DROSHA: variants seen among roughly 807,000 people sequenced by gnomAD.
The protein encoded by DROSHA is drosha ribonuclease III.
In DROSHA, 56 loss-of-function variants were observed where a neutral mutation model predicts 181.9. The observed-to-expected ratio is 0.31, with a 90% CI of 0.25 to 0.38. DROSHA has a LOEUF of 0.38. Ranked by LOEUF, DROSHA falls within the 10% of genes least tolerant of loss-of-function variation. DROSHA has a pLI of 1.00. For synonymous variants in DROSHA, 524 were observed against 591.2 expected, an observed-to-expected ratio of 0.89 and a Z score of 1.65; for missense variants, 1,218 against 1,743.5, an observed-to-expected ratio of 0.70 and a Z score of 5.37.
rs781664651 is a variant in DROSHA, at chr5:31,532,034, C to G, written c.-294G>C. The G allele has an allele frequency of 3.0e-5, 9 of 303,924 alleles. No homozygotes were observed. Among genetic ancestry groups the G allele is most frequent in the Non-Finnish European group, 4.3e-5 (7 of 161,070 alleles). 18.8% of individuals were successfully genotyped at this position (303,924 alleles called of 1,614,324 possible). A position where few individuals can be genotyped will look rare whatever the true frequency, so the allele number is the denominator to read the frequency against. Reference sequence around the variant, plus strand: ...CGCGAGATCGCCGTCAGAGCAAAGCCAGGCTACTACCGCAGGTACCAAGAC... The same window carrying G: ...CGCGAGATCGCCGTCAGAGCAAAGCGAGGCTACTACCGCAGGTACCAAGAC... On this transcript the variant is annotated 5_prime_UTR_variant, in exon 1 of 36. Transcript: ENST00000344624.
intron 12 of DROSHA, 68 bp from the exon 13 acceptor site, chr5:31,493,361 T>A (rs915611484): frequency 2.8e-6 from 4 of 1,411,826 alleles, no homozygotes; most frequent in Non-Finnish European, 3.9e-6. Context: ...CAGAAATCCA[T>A]CAGGACAGAA....
chr5:31,442,152 AGGTC>A (rs1745673148), intron 23 of DROSHA, among the ~76,000 whole-genome samples: 1 of 152,232 alleles, frequency 6.6e-6, no homozygotes, highest in African/African-American at 2.4e-5. Context: ...TTGAAATACA[AGGTC>A]ATGGTTCTAA....
intron 2 of DROSHA, among the ~76,000 whole-genome samples, 199 bp from the exon 3 acceptor site, chr5:31,531,123 C>G (rs549822193): frequency 9.3e-4 from 141 of 152,282 alleles, no homozygotes; most frequent in African/African-American, 3.3e-3. Flanking sequence ...GACACACAGC[C>G]TGTAGGATTC....
At chr5:31,513,324 C>T (rs1738905216) in intron 8 of DROSHA, among the ~76,000 whole-genome samples, 1 of 152,194 alleles carries the variant, frequency 6.6e-6, no homozygotes, top group Admixed American at 6.5e-5. Context: ...CAGTGAACAC[C>T]AGCCATGGCC....
intron 4 of DROSHA, 66 bp downstream of exon 4, chr5:31,528,974 C>T (rs1476468641): frequency 6.3e-7 from 1 of 1,596,374 alleles, no homozygotes; most frequent in African/African-American, 1.3e-5. Context: ...CCTCTATAGC[C>T]CAGCACCAAT....
chr5:31,508,549 C>T, intron 10 of DROSHA, 72 bp downstream of exon 10: 2 of 1,598,576 alleles, frequency 1.3e-6, no homozygotes, highest in South Asian at 1.1e-5. Context: ...CAACATGTAT[C>T]TTCTGAGCCC....
intron 4 of DROSHA, 97 bp from the exon 5 acceptor site, chr5:31,527,009 A>T: frequency 8.8e-7 from 1 of 1,135,376 alleles, no homozygotes; most frequent in Non-Finnish European, 1.2e-6. Context: ...TTGATGAGCA[A>T]CTCAAAGACC....
At position 31,444,695 on chromosome 5, in the gene DROSHA, C is replaced by A. The variant is rs573880200; in HGVS notation, c.2882+3852G>T. On this transcript the variant is annotated intron_variant, in intron 23 of 35. Coordinates refer to ENST00000344624, the MANE Select transcript of DROSHA (RefSeq NM_001382508.1). Reference sequence around the variant, plus strand: ...AGAATTCTACTTATTAAAATACAGACTTTACAATGTAGCAGGGTAAAATAA... The same window carrying A: ...AGAATTCTACTTATTAAAATACAGAATTTACAATGTAGCAGGGTAAAATAA... Among the ~76,000 whole-genome samples the A allele has an allele frequency of 4.6e-5, 7 of 152,280 alleles. No individual in the cohort carries two copies. In the South Asian group the frequency reaches 1.4e-3, roughly 32 times the overall value.
At position 31,515,480 on chromosome 5, in the gene DROSHA, C is replaced by A. The variant is rs1189192557; in HGVS notation, c.1032G>T (p.Trp344Cys). The stretch of plus-strand genomic sequence containing the variant: ...GATTCACAATCTCCAGGGGTGGGGC[C>A]CAAGAATCTGTATTTTTAATAATCT... ...PGEIIKNTDS[W>C]APPLEIVNHR... The change falls in exon 7 of 36, where the codon TGG (tryptophan) becomes TGT (cysteine). Residue 344 changes from tryptophan (W) to cysteine (C), a missense_variant. Trp to Cys is a radical substitution (Grantham distance 215). This residue lies in a region of DROSHA where 536 missense variants were observed against 535.4 expected (regional missense o/e 1.00). Coordinates refer to ENST00000344624, the MANE Select transcript of DROSHA (RefSeq NM_001382508.1). The A allele has an allele frequency of 6.9e-7, 1 of 1,450,466 alleles. No individual in the cohort carries two copies. The highest frequency in any genetic ancestry group is 9.5e-7 in the Non-Finnish European group (1 of 1,054,142). The allele number at this position is 1,450,466 out of a possible 1,614,324, so 89.8% of individuals were successfully genotyped here. A position where few individuals can be genotyped will look rare whatever the true frequency, so the allele number is the denominator to read the frequency against.
At position 31,526,705 on chromosome 5, in the gene DROSHA, TG is replaced by T; in HGVS notation, c.227del (p.Pro76GlnfsTer32). 6.5e-7 allele frequency: 1 copy of T among 1,542,734 alleles called. No homozygotes were observed. The highest frequency in any genetic ancestry group is 8.7e-7 in the Non-Finnish European group (1 of 1,148,698). On this transcript the variant is annotated frameshift_variant, in exon 5 of 36. Coordinates refer to ENST00000344624, the MANE Select transcript of DROSHA (RefSeq NM_001382508.1). LOFTEE classifies it high-confidence loss of function. ...TGGGTGGGGGGAAGGGTACAAAGTCTGGTCGTGGAGGGAGAAAATTGGGGGC... is the reference window on the plus strand; with the variant it reads ...TGGGTGGGGGGAAGGGTACAAAGTCTGTCGTGGAGGGAGAAAATTGGGGGC... Reference protein sequence around the residue: ...SPAPNFLPPRPDFVPFPPPMP... With the variant: ...SPAPNFLPPRXDFVPFPPPMP...
intron 34 of DROSHA, among the ~76,000 whole-genome samples, chr5:31,406,552 A>G (rs4867328): frequency 0.23 from 35,278 of 152,066 alleles, 4,392 homozygotes; most frequent in East Asian, 0.46. Context: ...CATCTTACAC[A>G]CACAGCTTGC....
intron 18 of DROSHA, among the ~76,000 whole-genome samples, chr5:31,466,826 T>C (rs1749071592): frequency 6.6e-6 from 1 of 152,190 alleles, no homozygotes; most frequent in South Asian, 2.1e-4. Context: ...TGTATACCAA[T>C]TTGTATTTAC....
At chr5:31,431,750 T>G in intron 25 of DROSHA, 72 bp from the exon 26 acceptor site, 907 of 1,362,366 alleles carry the variant, frequency 6.7e-4, no homozygotes, top group Non-Finnish European at 8.7e-4. Context: ...TCAGCATCTC[T>G]TGCAGAGAGT....
At chr5:31,523,419 A>G (rs1247215523) in intron 5 of DROSHA, among the ~76,000 whole-genome samples, 1 of 152,232 alleles carries the variant, frequency 6.6e-6, no homozygotes, top group Admixed American at 6.5e-5. Flanking sequence ...TTCACAGGAC[A>G]TCTGAGTTTC....
chr5:31,418,955 GC>G (rs1317243020), intron 30 of DROSHA, among the ~76,000 whole-genome samples: 1 of 152,188 alleles, frequency 6.6e-6, no homozygotes, highest in Non-Finnish European at 1.5e-5. Flanking sequence ...GAAGTCATCT[GC>G]CGGTAAGATG....
intron 23 of DROSHA, among the ~76,000 whole-genome samples, chr5:31,442,780 C>T (rs1249288677): frequency 2.0e-5 from 3 of 151,792 alleles, no homozygotes; most frequent in Non-Finnish European, 4.4e-5. Context: ...GAACTTCTAC[C>T]CAACTTAGGA....
intron 9 of DROSHA, 26 bp downstream of exon 9, chr5:31,511,009 C>A (rs747290773): frequency 2.0e-5 from 33 of 1,613,008 alleles, no homozygotes; most frequent in Non-Finnish European, 2.6e-5. Flanking sequence ...GCAAGGGTCT[C>A]AGGCTAGTTA....
chr5:31,414,803 C>T (rs1741753704), intron 30 of DROSHA, among the ~76,000 whole-genome samples: 1 of 152,214 alleles, frequency 6.6e-6, no homozygotes, highest in South Asian at 2.1e-4. Flanking sequence ...GGATACCCGT[C>T]CTGTCCACTC....
At chr5:31,517,102 G>T (rs1739349102) in intron 6 of DROSHA, among the ~76,000 whole-genome samples, 1 of 152,078 alleles carries the variant, frequency 6.6e-6, no homozygotes, top group African/African-American at 2.4e-5. Context: ...AATTTAATTT[G>T]AAGTATTTTA....
Sources: gnomAD v4.1 joint callset for allele counts (sites outside exome capture counted in the v4.1 genomes callset) on GRCh38, gnomAD v4.1.1 for gene constraint, gnomAD v4.1.1 regional missense constraint, MANE v1.5 for transcripts, NCBI Gene and HGNC (gene_info 2026-07-23, HGNC 2026-07-21) for gene names.